Variants in SLC1A2 observed in about 807,000 individuals in gnomAD.
The protein encoded by SLC1A2 is solute carrier family 1 member 2, also known as excitatory amino acid transporter 2.
In SLC1A2, 15 loss-of-function variants were observed where a neutral mutation model predicts 48.8. The ratio of observed to expected loss-of-function variants is 0.31; its 90% CI spans 0.21 to 0.47. The LOEUF (loss-of-function observed/expected upper bound fraction) is 0.47. Among genes scored for constraint, SLC1A2 ranks in the 20% least tolerant of loss-of-function variants. The pLI is 0.99. For synonymous variants in SLC1A2, 279 were observed against 272.6 expected (o/e 1.02, Z -0.23); for missense variants, 502 against 730.5 (o/e 0.69, Z 3.61).
Position 35,340,001 on chromosome 11 carries a change from T to G in SLC1A2, c.18-22485A>C, listed in dbSNP as rs142265560. On this transcript the variant is annotated intron_variant, in intron 1 of 10. Transcript: ENST00000278379. The stretch of plus-strand genomic sequence containing the variant: ...AAGCCCTCTTGGCTTCATCCCTCAA[T>G]GACCCTAAAATTTAAATGACCAAAA... Among the ~76,000 whole-genome samples, 413 of 152,354 alleles carry G rather than the reference T, an allele frequency of 2.7e-3. 1 individual carries two copies. The highest frequency in any genetic ancestry group is 9.5e-3 in the African/African-American group (394 of 41,590).
intron 4 of SLC1A2, 117 bp downstream of exon 4, chr11:35,312,081 A>G (rs1851725098): frequency 2.9e-6 from 3 of 1,026,382 alleles, no homozygotes; most frequent in Non-Finnish European, 4.3e-6. Flanking sequence ...GCCTAGACAG[A>G]GATAATTATA....
intron 1 of SLC1A2, among the ~76,000 whole-genome samples, chr11:35,378,710 G>A (rs763227137): frequency 2.0e-5 from 3 of 152,258 alleles, no homozygotes; most frequent in Non-Finnish European, 4.4e-5. Context: ...AAAGCAACAA[G>A]AGTGTGACAG....
chr11:35,307,456 G>T (rs1277791357), intron 4 of SLC1A2, among the ~76,000 whole-genome samples: 1 of 152,176 alleles, frequency 6.6e-6, no homozygotes, highest in Non-Finnish European at 1.5e-5. Context: ...ATTTTTAAAG[G>T]TGCCAGGCAC....
At chr11:35,275,753 G>C (rs1405518108) in intron 9 of SLC1A2, among the ~76,000 whole-genome samples, 1 of 152,206 alleles carries the variant, frequency 6.6e-6, no homozygotes, top group Non-Finnish European at 1.5e-5. Flanking sequence ...AGTTATGAAA[G>C]CTTACAAACC....
chr11:35,280,684 A>G (rs1453781951), intron 9 of SLC1A2, 183 bp downstream of exon 9: 6 of 522,128 alleles, frequency 1.1e-5, no homozygotes, highest in Non-Finnish European at 2.0e-5. Flanking sequence ...GCCTTCAAAT[A>G]TTTCATCTTT....
At chr11:35,293,708 G>T (rs999478730) in intron 6 of SLC1A2, among the ~76,000 whole-genome samples, 4 of 152,138 alleles carry the variant, frequency 2.6e-5, no homozygotes, top group Admixed American at 2.0e-4. Flanking sequence ...TTCCAGCAGG[G>T]GTCAGGGAGT....
chr11:35,371,110 G>GT (rs5791053), intron 1 of SLC1A2: 477,942 of 980,162 alleles, frequency 0.49, 119,247 homozygotes, highest in East Asian at 0.73. Flanking sequence ...TAGGCCAGGT[G>GT]GCTACCCTCA....
At chr11:35,325,517 G>C (rs1321096903) in intron 1 of SLC1A2, among the ~76,000 whole-genome samples, 1 of 152,298 alleles carries the variant, frequency 6.6e-6, no homozygotes, top group East Asian at 1.9e-4. Flanking sequence ...TGAATGAATG[G>C]ATGATTAGGT....
At chr11:35,363,851 T>C (rs938037159) in intron 1 of SLC1A2, among the ~76,000 whole-genome samples, 78 of 152,158 alleles carry the variant, frequency 5.1e-4, no homozygotes, top group African/African-American at 1.8e-3. Context: ...TCCTCACTGA[T>C]TGGTTCTCAT....
At chr11:35,353,341 T>C (rs1853335666) in intron 1 of SLC1A2, among the ~76,000 whole-genome samples, 1 of 152,226 alleles carries the variant, frequency 6.6e-6, no homozygotes, top group Non-Finnish European at 1.5e-5. Flanking sequence ...CTTCTTCACC[T>C]AGCAGACTCC....
chr11:35,338,395 C>T (rs1002657871), intron 1 of SLC1A2, among the ~76,000 whole-genome samples: 3 of 152,094 alleles, frequency 2.0e-5, no homozygotes, highest in Non-Finnish European at 2.9e-5. Flanking sequence ...TTCTAACTCC[C>T]GTCCCTATGG....
chr11:35,361,992 ATAAT>A (rs2135131851), intron 1 of SLC1A2, among the ~76,000 whole-genome samples: 1 of 152,306 alleles, frequency 6.6e-6, no homozygotes, highest in East Asian at 1.9e-4. Context: ...AAATAAATAA[ATAAT>A]TAAAGACTTT....
chr11:35,334,682 G>A (rs1454884646), intron 1 of SLC1A2, among the ~76,000 whole-genome samples: 2 of 152,176 alleles, frequency 1.3e-5, no homozygotes, highest in Non-Finnish European at 2.9e-5. Flanking sequence ...ACTCTCTAGA[G>A]CAATGACTAG....
chr11:35,331,140 G>T (rs762198789), intron 1 of SLC1A2, among the ~76,000 whole-genome samples: 53 of 152,188 alleles, frequency 3.5e-4, no homozygotes, highest in Admixed American at 2.0e-3. Flanking sequence ...CTGCTTCTCA[G>T]CCTCCCTTCC....
At chr11:35,375,890 G>A (rs1854211106) in intron 1 of SLC1A2, among the ~76,000 whole-genome samples, 1 of 152,080 alleles carries the variant, frequency 6.6e-6, no homozygotes, top group African/African-American at 2.4e-5. Flanking sequence ...ATCCCCAATT[G>A]GTAGACTAGG....
At chr11:35,269,632 C>T (rs1011456055) in intron 9 of SLC1A2, among the ~76,000 whole-genome samples, 5 of 152,302 alleles carry the variant, frequency 3.3e-5, no homozygotes, top group Non-Finnish European at 7.3e-5. Flanking sequence ...CCTTGCTCTC[C>T]AGAAGCAGCC....
At chr11:35,388,775 C>G (rs1198286909) in intron 1 of SLC1A2, among the ~76,000 whole-genome samples, 2 of 152,148 alleles carry the variant, frequency 1.3e-5, no homozygotes, top group African/African-American at 2.4e-5. Flanking sequence ...CATTTGTTTC[C>G]CAGCAGGATA....
intron 1 of SLC1A2, among the ~76,000 whole-genome samples, chr11:35,321,946 T>A (rs1313894537): frequency 6.6e-6 from 1 of 152,100 alleles, no homozygotes; most frequent in East Asian, 1.9e-4. Context: ...CATCTGTGTT[T>A]CTGCTTGACT....
chr11:35,281,994 A>T (rs956806784), intron 8 of SLC1A2: 6 of 152,094 alleles, frequency 3.9e-5, no homozygotes, highest in Non-Finnish European at 1.5e-5. Flanking sequence ...AAATTGTTTC[A>T]ACTAAATCCA....
Sources: allele counts gnomAD v4.1 joint callset (sites outside exome capture counted in the v4.1 genomes callset), GRCh38; gene constraint gnomAD v4.1.1; transcripts MANE v1.5; gene names NCBI Gene and HGNC (gene_info 2026-07-23, HGNC 2026-07-21).